The following CSMD3 variants were observed in gnomAD, a reference collection of about 807,000 sequenced individuals.
The protein encoded by CSMD3 is CUB and sushi domain-containing protein 3.
CSMD3 carries 177 observed loss-of-function variants against 435.2 expected under a neutral mutation model. That is an observed-to-expected ratio of 0.41 (90% CI 0.36 to 0.46). CSMD3 has a LOEUF of 0.46. Ranked by LOEUF, CSMD3 falls within the 20% of genes least tolerant of loss-of-function variation. The pLI, the probability that CSMD3 is intolerant of heterozygous loss-of-function variation, is 0.34. For synonymous variants in CSMD3, 1,656 were observed against 1,520.5 expected (o/e 1.09, Z -2.07); for missense variants, 4,265 against 4,504.6 (o/e 0.95, Z 1.52).
At chr8:112,551,138 T>C (rs1005995234) in intron 26 of CSMD3, among the ~76,000 whole-genome samples, 3 of 152,212 alleles carry the variant, frequency 2.0e-5, no homozygotes, top group Non-Finnish European at 4.4e-5. Flanking sequence ...GTTCATGGAT[T>C]TAACTAGGGC....
chr8:113,364,876 T>C (rs997997483), intron 1 of CSMD3, among the ~76,000 whole-genome samples: 1 of 152,116 alleles, frequency 6.6e-6, no homozygotes, highest in African/African-American at 2.4e-5. Flanking sequence ...AGAAGACTTA[T>C]AAAAATTAAA....
At chr8:112,417,594 T>C (rs190848180) in intron 32 of CSMD3, among the ~76,000 whole-genome samples, 25 of 152,306 alleles carry the variant, frequency 1.6e-4, no homozygotes, top group Admixed American at 1.4e-3. Context: ...TAGAACTGCC[T>C]GGGTGAGATG....
intron 5 of CSMD3, among the ~76,000 whole-genome samples, chr8:113,019,510 T>G (rs893368775): frequency 6.7e-6 from 1 of 149,432 alleles, no homozygotes; most frequent in African/African-American, 2.4e-5. Context: ...AGTTTATCAT[T>G]TATTAATATG....
chr8:112,829,819 A>G (rs371585571), intron 11 of CSMD3, 30 bp from the exon 12 acceptor site: 2 of 1,177,170 alleles, frequency 1.7e-6, no homozygotes, highest in Non-Finnish European at 2.6e-6. Flanking sequence ...TGCACCTTAA[A>G]TATACTGCGT....
intron 3 of CSMD3, among the ~76,000 whole-genome samples, chr8:113,204,262 A>T (rs1242916051): frequency 6.6e-6 from 1 of 152,130 alleles, no homozygotes; most frequent in Non-Finnish European, 1.5e-5. Flanking sequence ...TTCACAGGCT[A>T]AGGAAGAGCC....
chr8:113,115,086 C>T (rs566476596), intron 4 of CSMD3, among the ~76,000 whole-genome samples: 37 of 152,148 alleles, frequency 2.4e-4, no homozygotes, highest in Non-Finnish European at 4.4e-4. Context: ...AACAAGCCTT[C>T]CAGGTGAATC....
chr8:113,119,407 G>GC (rs2090923811), intron 4 of CSMD3, among the ~76,000 whole-genome samples: 1 of 152,044 alleles, frequency 6.6e-6, no homozygotes, highest in Admixed American at 6.6e-5. Context: ...TTAGTAATTT[G>GC]CCCAAGTTCA....
chr8:113,107,518 A>G (rs2090515325), intron 4 of CSMD3, among the ~76,000 whole-genome samples: 1 of 152,196 alleles, frequency 6.6e-6, no homozygotes, highest in Non-Finnish European at 1.5e-5. Flanking sequence ...ACCCTGCAGA[A>G]CCCATGGAAA....
chr8:112,594,738 C>T (rs1214962552), intron 22 of CSMD3, among the ~76,000 whole-genome samples: 5 of 152,228 alleles, frequency 3.3e-5, no homozygotes, highest in Admixed American at 1.3e-4. Flanking sequence ...CTGGGAGGCA[C>T]CCCCCAGTAG....
At chr8:112,376,142 A>T (rs933996518) in intron 38 of CSMD3, among the ~76,000 whole-genome samples, 1 of 152,116 alleles carries the variant, frequency 6.6e-6, no homozygotes, top group African/African-American at 2.4e-5. Context: ...CTGATTATTT[A>T]TTGCTTTTGG....
Position 113,220,400 on chromosome 8 carries a change from T to C in CSMD3, c.515-46484A>G, listed in dbSNP as rs533278202. On this transcript the variant is annotated intron_variant, in intron 3 of 70. Coordinates refer to ENST00000297405, the MANE Select transcript of CSMD3 (RefSeq NM_198123.2). The stretch of plus-strand genomic sequence containing the variant: ...AGTTTAGTTAAGACAGTCACAAGCA[T>C]ACAGGAGCTTGAATGGGAACCCACT... 3.3e-5 allele frequency among the ~76,000 whole-genome samples: 5 copies of C among 151,488 alleles called. No homozygotes were observed. The Admixed American group carries it at 3.3e-4, about 10-fold the overall frequency.
At chr8:113,059,470 T>A (rs2088504369) in intron 5 of CSMD3, among the ~76,000 whole-genome samples, 1 of 152,206 alleles carries the variant, frequency 6.6e-6, no homozygotes, top group Non-Finnish European at 1.5e-5. Flanking sequence ...GTTCTGCATT[T>A]GATGCAGAAC....
intron 10 of CSMD3, among the ~76,000 whole-genome samples, chr8:112,870,911 A>T (rs1355377368): frequency 6.6e-6 from 1 of 152,186 alleles, no homozygotes; most frequent in Non-Finnish European, 1.5e-5. Context: ...TATTCTTAGG[A>T]ACTGATGGAG....
chr8:112,726,934 G>A (rs928353348), intron 13 of CSMD3, among the ~76,000 whole-genome samples: 5 of 151,650 alleles, frequency 3.3e-5, no homozygotes, highest in African/African-American at 9.7e-5. Context: ...GAAAATGACT[G>A]ATTAAAGCTC....
chr8:113,081,763 C>G (rs2089573835), intron 5 of CSMD3, among the ~76,000 whole-genome samples: 1 of 152,122 alleles, frequency 6.6e-6, no homozygotes, highest in South Asian at 2.1e-4. Context: ...CAACATGTCA[C>G]AAGCTTGACC....
At position 112,954,750 on chromosome 8, in the gene CSMD3, T is replaced by G; in HGVS notation, c.1354A>C (p.Ile452Leu). Reference protein sequence around the residue: ...AVVTHRVKKAIDFKSRGFKLF... With the variant: ...AVVTHRVKKALDFKSRGFKLF... ...TTAAATCCTCTAGATTTAAAATCTA[T>G]GGCCTTTTTCACTAGTTAAGAAAAC... Residue 452 changes from isoleucine to leucine, a missense_variant, in exon 8 of 71, where the codon ATA becomes CTA. By Grantham distance (5) the Ile-to-Leu change is conservative (BLOSUM62 2). This residue lies in a region of CSMD3 where 731 missense variants were observed against 755.4 expected (regional missense o/e 0.97). Coordinates refer to ENST00000297405, the MANE Select transcript of CSMD3 (RefSeq NM_198123.2). 1 of 1,578,350 alleles carries G rather than the reference T, an allele frequency of 6.3e-7. No homozygotes were observed. The highest frequency in any genetic ancestry group is 8.7e-7 in the Non-Finnish European group (1 of 1,149,466).
chr8:112,981,375 A>C (rs1199239616), intron 6 of CSMD3, among the ~76,000 whole-genome samples: 1 of 151,520 alleles, frequency 6.6e-6, no homozygotes, highest in Non-Finnish European at 1.5e-5. Context: ...ATAGGTAAAT[A>C]CTAATTTAAA....
In CSMD3 at chr8:112,904,404, C is replaced by A. The variant is rs551589458; in HGVS notation, c.1633+17223G>T. Among the ~76,000 whole-genome samples, 178 of 151,410 alleles carry A rather than the reference C, an allele frequency of 1.2e-3. 3 individuals are homozygous for A. The highest frequency in any genetic ancestry group is 9.6e-3 in the South Asian group (46 of 4,806). On this transcript the variant is annotated intron_variant, in intron 10 of 70. Coordinates refer to ENST00000297405, the MANE Select transcript of CSMD3 (RefSeq NM_198123.2). ...ACATGACAAATACATACAATTTTGTCTGTTGATTTAAAACAAATAAATACA... is the reference window on the plus strand; with the variant it reads ...ACATGACAAATACATACAATTTTGTATGTTGATTTAAAACAAATAAATACA...
At chr8:112,802,425 T>A (rs996022090) in intron 12 of CSMD3, among the ~76,000 whole-genome samples, 16 of 152,162 alleles carry the variant, frequency 1.1e-4, no homozygotes, top group African/African-American at 3.9e-4. Context: ...CTGCTTGTCA[T>A]AATGATAGGA....
Sources: gnomAD v4.1 joint callset for allele counts (sites outside exome capture counted in the v4.1 genomes callset) on GRCh38, gnomAD v4.1.1 for gene constraint, gnomAD v4.1.1 regional missense constraint, MANE v1.5 for transcripts, NCBI Gene and HGNC (gene_info 2026-07-23, HGNC 2026-07-21) for gene names.